Variants in HINT3 observed in about 807,000 individuals in gnomAD.
HINT3 encodes histidine triad nucleotide binding protein 3, also known as adenosine 5'-monophosphoramidase HINT3.
In HINT3, 16 loss-of-function variants were observed where a neutral mutation model predicts 19.1. That is an observed-to-expected ratio of 0.84 (90% CI 0.57 to 1.27). HINT3 has a LOEUF of 1.27. HINT3 is among the 50% of genes most tolerant of loss of function. The pLI, the probability that HINT3 is intolerant of heterozygous loss-of-function variation, is 0.00. For synonymous variants in HINT3, 75 were observed against 84.8 expected (o/e 0.88, Z 0.63); for missense variants, 197 against 225.8 (o/e 0.87, Z 0.82).
chr6:125,963,093 G>A (rs940495410), intron 1 of HINT3, among the ~76,000 whole-genome samples: 1 of 152,104 alleles, frequency 6.6e-6, no homozygotes, highest in Non-Finnish European at 1.5e-5. Flanking sequence ...CGATCTCGGC[G>A]CACCAAATTT....
chr6:125,974,489 A>G (rs891052651), intron 3 of HINT3, among the ~76,000 whole-genome samples: 2 of 152,220 alleles, frequency 1.3e-5, no homozygotes, highest in Non-Finnish European at 2.9e-5. Flanking sequence ...GTGTCCAGTG[A>G]TGTTTTTAAA....
intron 4 of HINT3, among the ~76,000 whole-genome samples, chr6:125,976,454 A>G (rs76130975): frequency 0.031 from 4,635 of 148,826 alleles, 103 homozygotes; most frequent in Non-Finnish European, 0.048. Context: ...ATATATATGT[A>G]TGTGTGTGTG....
At chr6:125,969,873 G>C (rs547710663) in intron 2 of HINT3, among the ~76,000 whole-genome samples, 12 of 152,268 alleles carry the variant, frequency 7.9e-5, no homozygotes, top group Non-Finnish European at 1.5e-4. Flanking sequence ...ATCAGTTCCA[G>C]GATCCTGTTG....
intron 3 of HINT3, among the ~76,000 whole-genome samples, chr6:125,972,743 A>G (rs2128711831): frequency 6.6e-6 from 1 of 152,146 alleles, no homozygotes; most frequent in South Asian, 2.1e-4. Flanking sequence ...AAGTACTGCC[A>G]CACCCGGCTA....
At chr6:125,969,265 A>G (rs147059037) in intron 2 of HINT3, among the ~76,000 whole-genome samples, 246 of 152,180 alleles carry the variant, frequency 1.6e-3, no homozygotes, top group Middle Eastern at 6.8e-3. Context: ...AATATGGCGT[A>G]TTTTCCCATT....
In HINT3 at chr6:125,967,014, T is replaced by C; in HGVS notation, c.319+10T>C. On this transcript the variant is annotated intron_variant, in intron 2 of 4. Coordinates refer to ENST00000229633, the MANE Select transcript of HINT3 (RefSeq NM_138571.5). ...GATCAAGTAGAACTGGGTAAGATGA[T>C]GGCAGTATTCTTCATGTTTATATCA... 1 of 1,468,970 alleles carries C rather than the reference T, an allele frequency of 6.8e-7. No individual in the cohort carries two copies. The highest frequency in any genetic ancestry group is 9.5e-7 in the Non-Finnish European group (1 of 1,053,146). The allele number at this position is 1,468,970 out of a possible 1,614,324, so 91.0% of individuals were successfully genotyped here.
chr6:125,962,022 C>G (rs1788932763), intron 1 of HINT3, among the ~76,000 whole-genome samples: 2 of 151,170 alleles, frequency 1.3e-5, no homozygotes, highest in Non-Finnish European at 2.9e-5. Context: ...AAAAGAAGGG[C>G]AGAGAGATTG....
chr6:125,973,664 TAAGTATTACC>T (rs1203143377), intron 3 of HINT3, among the ~76,000 whole-genome samples: 1 of 152,186 alleles, frequency 6.6e-6, no homozygotes, highest in East Asian at 1.9e-4. Flanking sequence ...CAAAAACTGT[TAAGTATTACC>T]AAGTGTGATA....
chr6:125,960,086 G>A (rs1053506367), intron 1 of HINT3, among the ~76,000 whole-genome samples: 11 of 152,202 alleles, frequency 7.2e-5, no homozygotes, highest in African/African-American at 2.2e-4. Flanking sequence ...AGGAGAAGGA[G>A]CAATTATATG....
At chr6:125,972,698 C>G (rs1370158292) in intron 3 of HINT3, among the ~76,000 whole-genome samples, 1 of 152,050 alleles carries the variant, frequency 6.6e-6, no homozygotes. Context: ...GAGTATCCTT[C>G]TACCTCAGCC....
chr6:125,975,185 C>T (rs144234559), intron 4 of HINT3, among the ~76,000 whole-genome samples: 92 of 152,238 alleles, frequency 6.0e-4, no homozygotes, highest in African/African-American at 2.0e-3. Flanking sequence ...GCTAAATCTT[C>T]CCCATTGCAA....
At chr6:125,964,886 C>T (rs1788994622) in intron 1 of HINT3, among the ~76,000 whole-genome samples, 1 of 152,016 alleles carries the variant, frequency 6.6e-6, no homozygotes, top group African/African-American at 2.4e-5. Context: ...CAAAGGGTGA[C>T]ATCAGAGCTA....
At position 125,978,667 on chromosome 6, in the gene HINT3, G is replaced by T. The variant is rs1331583837; in HGVS notation, c.*991G>T. On this transcript the variant is annotated 3_prime_UTR_variant, in exon 5 of 5. Transcript: ENST00000229633. ...TGCAAGTTAATCCTACATTGTGCCA[G>T]TGTATATTAGTACCATGTAAATGAA... is the stretch of plus-strand genomic sequence containing the variant. The T allele has an allele frequency of 2.0e-5, 3 of 152,214 alleles. No individual in the cohort carries two copies. Among genetic ancestry groups the T allele is most frequent in the Non-Finnish European group, 4.4e-5 (3 of 68,032 alleles). The allele number at this position is 152,214 out of a possible 1,614,324, so 9.4% of individuals were successfully genotyped here.
In HINT3 at chr6:125,979,443, A is replaced by AAC. The variant is rs1789219427; in HGVS notation, c.*1769_*1770dup. 6.6e-6 allele frequency: 1 copy of AAC among 152,198 alleles called. No individual in the cohort carries two copies. Among genetic ancestry groups the AAC allele is most frequent in the Middle Eastern group, 3.2e-3 (1 of 316 alleles). 9.4% of individuals were successfully genotyped at this position (152,198 alleles called of 1,614,324 possible). A position where few individuals can be genotyped will look rare whatever the true frequency, so the allele number is the denominator to read the frequency against. ...GGGAACTTGCAGTGATATAATTGAC[A>AAC]ACATTATTTAACAATAATAGGTAAA... On this transcript the variant is annotated 3_prime_UTR_variant, in exon 5 of 5. Coordinates refer to ENST00000229633, the MANE Select transcript of HINT3 (RefSeq NM_138571.5).
At chr6:125,963,525 GT>G (rs1432201744) in intron 1 of HINT3, among the ~76,000 whole-genome samples, 1 of 152,148 alleles carries the variant, frequency 6.6e-6, no homozygotes, top group African/African-American at 2.4e-5. Flanking sequence ...GTTATTCGTT[GT>G]ATTTAAATTG....
chr6:125,977,518 A>T lies in HINT3; in HGVS notation c.517-126A>T, dbSNP rs1583592808. On this transcript the variant is annotated intron_variant, in intron 4 of 4. Transcript: ENST00000229633. Reference sequence around the variant, plus strand: ...ATTATACTGAGTTTTTTTGTAAGATATTTTTAGGAACAGAATATATAGTAC... The same window carrying T: ...ATTATACTGAGTTTTTTTGTAAGATTTTTTTAGGAACAGAATATATAGTAC... 9.1e-6 allele frequency: 4 copies of T among 440,572 alleles called. No homozygotes were observed. In the East Asian group the frequency reaches 1.4e-4, roughly 15 times the overall value. 27.3% of individuals were successfully genotyped at this position (440,572 alleles called of 1,614,324 possible). A position where few individuals can be genotyped will look rare whatever the true frequency, so the allele number is the denominator to read the frequency against.
At position 125,977,703 on chromosome 6, in the gene HINT3, A is replaced by C. The variant is rs770588383; in HGVS notation, c.*27A>C. On this transcript the variant is annotated 3_prime_UTR_variant, in exon 5 of 5. Coordinates refer to ENST00000229633, the MANE Select transcript of HINT3 (RefSeq NM_138571.5). Reference sequence around the variant, plus strand: ...AATGTCAAGAGTGGAAGATTTTTCTAATCTTGGTTCAGCATGAAGTGGTAT... The same window carrying C: ...AATGTCAAGAGTGGAAGATTTTTCTCATCTTGGTTCAGCATGAAGTGGTAT... 1.4e-6 allele frequency: 2 copies of C among 1,446,782 alleles called. No homozygotes were observed. The highest frequency in any genetic ancestry group is 1.9e-6 in the Non-Finnish European group (2 of 1,063,058). The allele number at this position is 1,446,782 out of a possible 1,614,324, so 89.6% of individuals were successfully genotyped here.
At chr6:125,962,239 T>TATATATATATATATATATACACACAC (rs1788946590) in intron 1 of HINT3, among the ~76,000 whole-genome samples, 1 of 46,490 alleles carries the variant, frequency 2.2e-5, no homozygotes, top group Non-Finnish European at 3.5e-5. Context: ...TATATACACA[T>TATATATATATATATATATACACACAC]ATATATATAT....
At chr6:125,975,584 G>GTTTTTTTTTT (rs397694163) in intron 4 of HINT3, among the ~76,000 whole-genome samples, 1 of 145,200 alleles carries the variant, frequency 6.9e-6, no homozygotes, top group African/African-American at 2.6e-5. Context: ...CTGAAGAGTT[G>GTTTTTTTTTT]TTTTTTTTTT....
Sources: allele counts gnomAD v4.1 joint callset (sites outside exome capture counted in the v4.1 genomes callset), GRCh38; gene constraint gnomAD v4.1.1; transcripts MANE v1.5; gene names NCBI Gene and HGNC (gene_info 2026-07-23, HGNC 2026-07-21).